The following PTPRD variants were observed in gnomAD, a reference collection of about 807,000 sequenced individuals.
The protein encoded by PTPRD is protein tyrosine phosphatase receptor type D.
Under a neutral mutation model 214.5 loss-of-function variants are expected in PTPRD, and 34 were observed. The ratio of observed to expected loss-of-function variants is 0.16; its 90% CI spans 0.12 to 0.21. The LOEUF is 0.21. PTPRD is among the 10% of genes least tolerant of loss of function. PTPRD has a pLI of 1.00. For missense variants in PTPRD, 2,545 were observed against 2,398.7 expected, an observed-to-expected ratio of 1.06 and a Z score of -1.27; for synonymous variants, 1,128 against 845.7, an observed-to-expected ratio of 1.33 and a Z score of -5.79.
intron 10 of PTPRD, among the ~76,000 whole-genome samples, chr9:9,025,025 G>T (rs940080342): frequency 6.6e-6 from 1 of 151,876 alleles, no homozygotes; most frequent in South Asian, 2.1e-4. Context: ...TTGAATCAAT[G>T]TTGCATTCAG....
intron 11 of PTPRD, among the ~76,000 whole-genome samples, chr9:8,919,857 A>G (rs1290696909): frequency 6.6e-6 from 1 of 151,048 alleles, no homozygotes; most frequent in Non-Finnish European, 1.5e-5. Flanking sequence ...TATCATGCAT[A>G]CATAGATGTA....
chr9:9,151,750 C>T (rs1053608859), intron 10 of PTPRD, among the ~76,000 whole-genome samples: 6 of 152,114 alleles, frequency 3.9e-5, no homozygotes, highest in Non-Finnish European at 1.5e-5. Context: ...TGATAAATCA[C>T]AGATTGCTCA....
chr9:10,454,391 G>A (rs1318282676), intron 2 of PTPRD, among the ~76,000 whole-genome samples: 3 of 151,070 alleles, frequency 2.0e-5, no homozygotes, highest in Non-Finnish European at 4.4e-5. Flanking sequence ...GGATCCTTGA[G>A]CCAAATACAT....
At chr9:10,243,930 T>G (rs577165141) in intron 3 of PTPRD, among the ~76,000 whole-genome samples, 2 of 151,996 alleles carry the variant, frequency 1.3e-5, no homozygotes, top group Non-Finnish European at 2.9e-5. Flanking sequence ...TACATCAAAG[T>G]TTGATCATTT....
intron 14 of PTPRD, among the ~76,000 whole-genome samples, chr9:8,548,375 GT>G (rs764012518): frequency 8.2e-5 from 12 of 147,080 alleles, no homozygotes; most frequent in African/African-American, 5.0e-5. Flanking sequence ...CTGGAATTTT[GT>G]TTTTTTTTTG....
In PTPRD at chr9:10,316,186, CAT is replaced by C. The variant is rs546098614; in HGVS notation, c.-545+24775_-545+24776del. Among the ~76,000 whole-genome samples the C allele has an allele frequency of 7.4e-5, 10 of 135,972 alleles. No individual in the cohort carries two copies. The South Asian group carries it at 2.1e-3, about 28-fold the overall frequency. The allele number at this position is 135,972 out of a possible 152,430, so 89.2% of individuals were successfully genotyped here. On this transcript the variant is annotated intron_variant, in intron 3 of 45. Coordinates refer to ENST00000381196, the MANE Select transcript of PTPRD (RefSeq NM_002839.4). ...ATCTATGTATATATACATAGATATA[CAT>C]ATATATAGACACACACACATATATG...
At chr9:9,445,686 G>A (rs1030501779) in intron 8 of PTPRD, among the ~76,000 whole-genome samples, 17 of 152,066 alleles carry the variant, frequency 1.1e-4, no homozygotes, top group Admixed American at 6.5e-5. Flanking sequence ...CAGCGGCATG[G>A]GGTAAATGCC....
In PTPRD at chr9:9,302,527, C is replaced by T. The variant is rs575528065; in HGVS notation, c.-203+94922G>A. ...TTCCTGCTTATATTTCCATGTTCCGCCTTCCCCACTCTCCCACTTTTCATT... is the reference window on the plus strand; with the variant it reads ...TTCCTGCTTATATTTCCATGTTCCGTCTTCCCCACTCTCCCACTTTTCATT... On this transcript the variant is annotated intron_variant, in intron 9 of 45. Transcript: ENST00000381196. 2.0e-5 allele frequency among the ~76,000 whole-genome samples: 3 copies of T among 151,436 alleles called. No individual in the cohort carries two copies. In the South Asian group the frequency reaches 6.2e-4, roughly 31 times the overall value.
At chr9:10,066,211 G>A (rs1194735978) in intron 3 of PTPRD, among the ~76,000 whole-genome samples, 1 of 151,162 alleles carries the variant, frequency 6.6e-6, no homozygotes. Context: ...TATGTTTATT[G>A]TTATGAATAA....
intron 11 of PTPRD, among the ~76,000 whole-genome samples, chr9:8,989,537 T>G (rs2099358296): frequency 6.6e-6 from 1 of 152,096 alleles, no homozygotes; most frequent in Non-Finnish European, 1.5e-5. Context: ...TGACAAGATT[T>G]AATTCCTCCT....
At chr9:9,359,587 A>G (rs1452484934) in intron 9 of PTPRD, among the ~76,000 whole-genome samples, 1 of 151,238 alleles carries the variant, frequency 6.6e-6, no homozygotes, top group Non-Finnish European at 1.5e-5. Context: ...TGAACTTGAA[A>G]CCAACTAAAC....
At chr9:9,112,779 C>T (rs1225975020) in intron 10 of PTPRD, among the ~76,000 whole-genome samples, 1 of 152,092 alleles carries the variant, frequency 6.6e-6, no homozygotes, top group East Asian at 1.9e-4. Flanking sequence ...GTTCTGAATC[C>T]TATTTCCAAT....
chr9:8,922,105 T>C (rs1158391491), intron 11 of PTPRD, among the ~76,000 whole-genome samples: 1 of 152,210 alleles, frequency 6.6e-6, no homozygotes, highest in Non-Finnish European at 1.5e-5. Flanking sequence ...AGTTTATTCT[T>C]TTAAATCTTC....
chr9:10,114,587 T>C (rs2098715756), intron 3 of PTPRD, among the ~76,000 whole-genome samples: 2 of 152,146 alleles, frequency 1.3e-5, no homozygotes, highest in African/African-American at 4.8e-5. Flanking sequence ...TAGGTGTATA[T>C]ATATATGCAT....
chr9:9,173,808 C>G (rs576517936), intron 10 of PTPRD, among the ~76,000 whole-genome samples: 1 of 152,202 alleles, frequency 6.6e-6, no homozygotes, highest in Admixed American at 6.5e-5. Context: ...ATCTAATATA[C>G]CCGATACTTT....
intron 2 of PTPRD, among the ~76,000 whole-genome samples, chr9:10,595,588 T>G (rs2076439217): frequency 6.6e-6 from 1 of 151,672 alleles, no homozygotes; most frequent in East Asian, 1.9e-4. Context: ...ATGATTTAAA[T>G]ATAATTTGCC....
At chr9:8,507,564 C>T in intron 21 of PTPRD, 130 bp from the exon 22 acceptor site, 4 of 1,088,940 alleles carry the variant, frequency 3.7e-6, no homozygotes, top group Admixed American at 2.2e-5. Flanking sequence ...AAACAAGCTC[C>T]TTTACCTTGT....
chr9:9,340,692 T>G (rs960618612), intron 9 of PTPRD, among the ~76,000 whole-genome samples: 1 of 152,204 alleles, frequency 6.6e-6, no homozygotes, highest in Non-Finnish European at 1.5e-5. Context: ...CTGTTGGACA[T>G]GCTGTTGGAA....
chr9:9,315,365 A>G (rs190026442), intron 9 of PTPRD, among the ~76,000 whole-genome samples: 1 of 152,146 alleles, frequency 6.6e-6, no homozygotes, highest in East Asian at 1.9e-4. Context: ...CTTATTATTG[A>G]CAATATTGCT....
Sources: gnomAD v4.1 joint callset for allele counts (sites outside exome capture counted in the v4.1 genomes callset) on GRCh38, gnomAD v4.1.1 for gene constraint, MANE v1.5 for transcripts, NCBI Gene and HGNC (gene_info 2026-07-23, HGNC 2026-07-21) for gene names.